The following RNF138 variants were observed in gnomAD, a reference collection of about 807,000 sequenced individuals.
The protein encoded by RNF138 is ring finger protein 138, also known as E3 ubiquitin-protein ligase RNF138.
In RNF138, 12 loss-of-function variants were observed where a neutral mutation model predicts 31.0. The observed-to-expected ratio is 0.39, with a 90% CI of 0.25 to 0.63. The LOEUF is 0.63. Among genes scored for constraint, RNF138 ranks in the 20% least tolerant of loss-of-function variants. The pLI, the probability that RNF138 is intolerant of heterozygous loss-of-function variation, is 0.52. For synonymous variants in RNF138, 105 were observed against 99.5 expected (o/e 1.06, Z -0.33); for missense variants, 192 against 300.1 (o/e 0.64, Z 2.66).
At chr18:32,105,399 G>A (rs1239246308) in intron 2 of RNF138, among the ~76,000 whole-genome samples, 2 of 152,098 alleles carry the variant, frequency 1.3e-5, no homozygotes, top group Non-Finnish European at 2.9e-5. Context: ...CAAATCGTAT[G>A]GTGTTCATTC....
At chr18:32,110,956 AT>A (rs1324688661) in intron 2 of RNF138, among the ~76,000 whole-genome samples, 2 of 151,938 alleles carry the variant, frequency 1.3e-5, no homozygotes, top group African/African-American at 4.8e-5. Context: ...AATTTTTTAT[AT>A]TTTTAGTAGA....
chr18:32,117,026 T>C (rs990772363), intron 4 of RNF138, among the ~76,000 whole-genome samples: 6 of 152,106 alleles, frequency 3.9e-5, no homozygotes, highest in Admixed American at 1.3e-4. Flanking sequence ...CTAAGCCTCC[T>C]GAGTAGCTGG....
chr18:32,093,374 C>T (rs372760387), intron 2 of RNF138, among the ~76,000 whole-genome samples: 1 of 152,230 alleles, frequency 6.6e-6, no homozygotes, highest in South Asian at 2.1e-4. Context: ...TTCAAGTTTC[C>T]TCTTTCAGAA....
At chr18:32,108,284 G>C (rs1376382222) in intron 2 of RNF138, among the ~76,000 whole-genome samples, 1 of 152,118 alleles carries the variant, frequency 6.6e-6, no homozygotes, top group Non-Finnish European at 1.5e-5. Flanking sequence ...TCAAGCAACA[G>C]ATTATTAGCA....
chr18:32,111,791 A>G lies in RNF138; in HGVS notation c.148A>G (p.Ser50Gly), dbSNP rs1315971206. ...ATGTTTCCTGACTGCAATGAGGGAA[A>G]GCGGAGCACATTGTCCCCTATGTCG... ...RKCFLTAMRESGAHCPLCRGN... is the reference protein window; with the variant it reads ...RKCFLTAMREGGAHCPLCRGN... Residue 50 changes from serine to glycine, a missense_variant, in exon 3 of 8, where the codon AGC (serine) becomes GGC (glycine). Physicochemically the swap from Ser to Gly is moderately conservative, Grantham distance 56. This residue lies in a region of RNF138 where 140 missense variants were observed against 251.7 expected (regional missense o/e 0.56). Transcript: ENST00000261593. 1.2e-6 allele frequency: 2 copies of G among 1,613,616 alleles called. No individual in the cohort carries two copies. Among genetic ancestry groups the G allele is most frequent in the South Asian group, 1.1e-5 (1 of 90,986 alleles).
intron 2 of RNF138, among the ~76,000 whole-genome samples, chr18:32,102,515 C>T (rs1240445326): frequency 1.3e-5 from 2 of 149,544 alleles, no homozygotes; most frequent in Admixed American, 6.7e-5. Flanking sequence ...TTTTTAGTTT[C>T]TTATATGAAT....
chr18:32,127,356 CTT>C (rs779946594), intron 7 of RNF138, among the ~76,000 whole-genome samples: 5 of 152,112 alleles, frequency 3.3e-5, no homozygotes, highest in Non-Finnish European at 7.4e-5. Context: ...GTGTGATATA[CTT>C]TTTTAATTAG....
intron 2 of RNF138, among the ~76,000 whole-genome samples, chr18:32,105,591 T>C (rs1440566049): frequency 6.6e-6 from 1 of 152,234 alleles, no homozygotes; most frequent in Non-Finnish European, 1.5e-5. Context: ...CTATACATGA[T>C]AATATTTCCA....
chr18:32,109,222 C>G (rs999113254), intron 2 of RNF138, among the ~76,000 whole-genome samples: 1 of 150,806 alleles, frequency 6.6e-6, no homozygotes, highest in African/African-American at 2.4e-5. Flanking sequence ...GGCACGATCT[C>G]AGCTCACTGC....
chr18:32,111,999 G>GT (rs368828041), intron 3 of RNF138, 80 bp downstream of exon 3: 149,794 of 839,996 alleles, frequency 0.18, 243 homozygotes, highest in East Asian at 0.19. Context: ...CTTGGTTGGT[G>GT]TTTTTTTTTT....
At chr18:32,093,214 C>G (rs1371920037) in intron 2 of RNF138, among the ~76,000 whole-genome samples, 2 of 152,160 alleles carry the variant, frequency 1.3e-5, no homozygotes, top group Admixed American at 6.5e-5. Flanking sequence ...GCCCCGGAGG[C>G]CCCTGTCGTC....
chr18:32,118,028 T>C (rs1363750182), intron 4 of RNF138, among the ~76,000 whole-genome samples: 1 of 152,220 alleles, frequency 6.6e-6, no homozygotes, highest in Non-Finnish European at 1.5e-5. Context: ...TAAACGTTAG[T>C]AACTGGATGT....
At chr18:32,121,599 AGTT>A (rs1015022269) in intron 4 of RNF138, among the ~76,000 whole-genome samples, 3 of 152,238 alleles carry the variant, frequency 2.0e-5, no homozygotes, top group African/African-American at 4.8e-5. Flanking sequence ...ACCTATTAGA[AGTT>A]GTTAACAGTA....
chr18:32,092,813 G>A lies in RNF138; in HGVS notation c.37G>A (p.Glu13Lys). The A allele has an allele frequency of 6.3e-7, 1 of 1,598,604 alleles. No individual in the cohort carries two copies. Among genetic ancestry groups the A allele is most frequent in the South Asian group, 1.1e-5 (1 of 88,328 alleles). ...EDLSAATSYTEDDFYCPVCQE... is the reference protein window; with the variant it reads ...EDLSAATSYTKDDFYCPVCQE... ...CCTCTCTGCGGCCACGTCCTACACC[G>A]AAGATGATTTCTACTGCCCCGTCTG... The change falls in exon 2 of 8, where the codon GAA becomes AAA. Residue 13 changes from glutamate to lysine, a missense_variant. By Grantham distance (56) the Glu-to-Lys change is moderately conservative (BLOSUM62 1). This residue lies in a region of RNF138 where 52 missense variants were observed against 48.4 expected (regional missense o/e 1.07). Coordinates refer to ENST00000261593, the MANE Select transcript of RNF138 (RefSeq NM_016271.5).
intron 2 of RNF138, among the ~76,000 whole-genome samples, chr18:32,093,471 C>T (rs368237775): frequency 1.5e-4 from 23 of 152,172 alleles, no homozygotes; most frequent in Admixed American, 1.2e-3. Flanking sequence ...CGTTTTGTTT[C>T]GTTTCCAGTC....
chr18:32,121,826 T>G (rs996854863), intron 4 of RNF138, among the ~76,000 whole-genome samples: 1 of 152,206 alleles, frequency 6.6e-6, no homozygotes, highest in African/African-American at 2.4e-5. Flanking sequence ...AGGTTTTTAG[T>G]TCCAGAAAGG....
chr18:32,112,347 C>G (rs1482386226), intron 3 of RNF138, among the ~76,000 whole-genome samples: 1 of 152,158 alleles, frequency 6.6e-6, no homozygotes, highest in Non-Finnish European at 1.5e-5. Context: ...GTTTAAGGAA[C>G]TCTCTAGCTC....
chr18:32,118,992 A>C (rs960038445), intron 4 of RNF138, among the ~76,000 whole-genome samples: 3 of 152,182 alleles, frequency 2.0e-5, no homozygotes, highest in African/African-American at 7.2e-5. Flanking sequence ...ATGCCTGAGA[A>C]ATTTTTTTCT....
At chr18:32,108,078 C>T (rs1024989155) in intron 2 of RNF138, among the ~76,000 whole-genome samples, 3 of 151,604 alleles carry the variant, frequency 2.0e-5, no homozygotes, top group Non-Finnish European at 2.9e-5. Flanking sequence ...TGGTCTTGAC[C>T]TCCTGACTTC....
Sources: gnomAD v4.1 joint callset for allele counts (sites outside exome capture counted in the v4.1 genomes callset) on GRCh38, gnomAD v4.1.1 for gene constraint, gnomAD v4.1.1 regional missense constraint, MANE v1.5 for transcripts, NCBI Gene and HGNC (gene_info 2026-07-23, HGNC 2026-07-21) for gene names.